The following SDCCAG8 variants were observed in gnomAD, a reference collection of about 807,000 sequenced individuals.
The protein encoded by SDCCAG8 is SHH signaling and ciliogenesis regulator SDCCAG8.
A neutral mutation model predicts 101.8 loss-of-function variants in SDCCAG8; 74 were observed. The ratio of observed to expected loss-of-function variants is 0.73; its 90% CI spans 0.60 to 0.88. The LOEUF is 0.88. Among genes scored for constraint, SDCCAG8 ranks in the 40% least tolerant of loss-of-function variants. The pLI, the probability that SDCCAG8 is intolerant of heterozygous loss-of-function variation, is 0.00. For synonymous variants in SDCCAG8, 281 were observed against 292.9 expected (o/e 0.96, Z 0.41); for missense variants, 787 against 822.6 (o/e 0.96, Z 0.53).
chr1:243,459,752 G>C, intron 16 of SDCCAG8, among the ~76,000 whole-genome samples: 1 of 152,180 alleles, frequency 6.6e-6, no homozygotes, highest in African/African-American at 2.4e-5. Context: ...GACTACAGGC[G>C]TACCAACACC....
At chr1:243,356,507 G>A (rs536777740) in intron 12 of SDCCAG8, among the ~76,000 whole-genome samples, 1 of 152,010 alleles carries the variant, frequency 6.6e-6, no homozygotes, top group South Asian at 2.1e-4. Context: ...AGAAGAATTG[G>A]GCTTTTTTTT....
chr1:243,331,311 C>T (rs1238408135), intron 10 of SDCCAG8, among the ~76,000 whole-genome samples: 3 of 152,204 alleles, frequency 2.0e-5, no homozygotes, highest in Non-Finnish European at 4.4e-5. Context: ...AAATTGCTAA[C>T]TAGACTCGAA....
intron 3 of SDCCAG8, among the ~76,000 whole-genome samples, chr1:243,273,180 A>G (rs2068235748): frequency 6.6e-6 from 1 of 152,242 alleles, no homozygotes; most frequent in African/African-American, 2.4e-5. Flanking sequence ...AAATATACCA[A>G]AAAACCAAAG....
intron 17 of SDCCAG8, among the ~76,000 whole-genome samples, chr1:243,490,130 T>C (rs1666031174): frequency 6.6e-6 from 1 of 152,220 alleles, no homozygotes; most frequent in Non-Finnish European, 1.5e-5. Context: ...AGGAGTCTCA[T>C]TCTCCTCACA....
intron 8 of SDCCAG8, among the ~76,000 whole-genome samples, chr1:243,315,423 A>T (rs1313223350): frequency 6.6e-6 from 1 of 152,208 alleles, no homozygotes; most frequent in Non-Finnish European, 1.5e-5. Context: ...TTTCCTTGGA[A>T]GAAAAATTAT....
chr1:243,285,208 A>G (rs188382056), intron 4 of SDCCAG8, among the ~76,000 whole-genome samples: 29 of 152,312 alleles, frequency 1.9e-4, no homozygotes, highest in Non-Finnish European at 3.8e-4. Context: ...ACTTGCTGAC[A>G]CTGAGCTTCC....
At chr1:243,340,588 G>A (rs1280035348) in intron 10 of SDCCAG8, among the ~76,000 whole-genome samples, 1 of 152,120 alleles carries the variant, frequency 6.6e-6, no homozygotes, top group African/African-American at 2.4e-5. Context: ...GAAGGGTAGT[G>A]GGAGCCATAG....
chr1:243,466,387 C>T (rs1316566225), intron 16 of SDCCAG8, among the ~76,000 whole-genome samples: 1 of 152,144 alleles, frequency 6.6e-6, no homozygotes, highest in Non-Finnish European at 1.5e-5. Context: ...CTACTTAATG[C>T]CTCTGAGATT....
chr1:243,425,061 A>G (rs2081251338), intron 15 of SDCCAG8, among the ~76,000 whole-genome samples: 1 of 152,158 alleles, frequency 6.6e-6, no homozygotes, highest in Non-Finnish European at 1.5e-5. Flanking sequence ...AACGTAAGTC[A>G]TTATTAACTC....
intron 16 of SDCCAG8, among the ~76,000 whole-genome samples, chr1:243,433,017 G>C (rs1049824664): frequency 6.6e-6 from 1 of 152,104 alleles, no homozygotes; most frequent in African/African-American, 2.4e-5. Context: ...GGTGGGTTGG[G>C]ATACCAAGCA....
At chr1:243,430,475 C>T (rs1407711923) in intron 16 of SDCCAG8, among the ~76,000 whole-genome samples, 1 of 152,054 alleles carries the variant, frequency 6.6e-6, no homozygotes, top group Non-Finnish European at 1.5e-5. Context: ...TACGGAGTCT[C>T]TCTCTGTCGC....
chr1:243,293,481 C>T (rs1444580944), intron 6 of SDCCAG8: 1 of 600,156 alleles, frequency 1.7e-6, no homozygotes, highest in East Asian at 3.7e-5. Context: ...CTGATGACCT[C>T]TCTTCAACTT....
intron 1 of SDCCAG8, among the ~76,000 whole-genome samples, chr1:243,265,193 T>C (rs750408303): frequency 2.0e-5 from 3 of 152,248 alleles, no homozygotes; most frequent in Non-Finnish European, 2.9e-5. Flanking sequence ...TGGTTTGTTA[T>C]GTATTTGAAA....
chr1:243,446,287 G>A (rs1018644350), intron 16 of SDCCAG8, among the ~76,000 whole-genome samples: 1 of 152,088 alleles, frequency 6.6e-6, no homozygotes, highest in African/African-American at 2.4e-5. Context: ...TTTTAAGACA[G>A]GGTCTCACTG....
intron 13 of SDCCAG8, among the ~76,000 whole-genome samples, chr1:243,390,455 C>T (rs957192049): frequency 2.0e-5 from 3 of 152,208 alleles, no homozygotes; most frequent in African/African-American, 4.8e-5. Flanking sequence ...TGAGCCTGCT[C>T]TGCTCCACCT....
At chr1:243,268,701 A>G (rs1020412177) in intron 1 of SDCCAG8, among the ~76,000 whole-genome samples, 1 of 152,206 alleles carries the variant, frequency 6.6e-6, no homozygotes, top group African/African-American at 2.4e-5. Context: ...TCTATTAAGT[A>G]CTAACATTGC....
rs946962110 is a variant in SDCCAG8, at chr1:243,458,798, C to T, written c.1986-30216C>T. On this transcript the variant is annotated intron_variant, in intron 16 of 17. Coordinates refer to ENST00000366541, the MANE Select transcript of SDCCAG8 (RefSeq NM_006642.5). The surrounding 1 kb of genome is among the most constrained non-coding windows in gnomAD (Gnocchi z 4.5). ...GTCAGATATGGCATTGTTTTATATT[C>T]CCATTGTCAGTGATCTCTAAACGGC... 2.0e-5 allele frequency among the ~76,000 whole-genome samples: 3 copies of T among 152,218 alleles called. No homozygotes were observed. The highest frequency in any genetic ancestry group is 7.2e-5 in the African/African-American group (3 of 41,452).
At chr1:243,368,241 G>T (rs554906003) in intron 12 of SDCCAG8, among the ~76,000 whole-genome samples, 15 of 150,964 alleles carry the variant, frequency 9.9e-5, no homozygotes, top group Non-Finnish European at 1.5e-4. Context: ...GAAGAGAAAA[G>T]AAAAGAAGGG....
intron 13 of SDCCAG8, among the ~76,000 whole-genome samples, chr1:243,408,491 GA>G (rs1229593243): frequency 6.6e-6 from 1 of 152,186 alleles, no homozygotes; most frequent in Non-Finnish European, 1.5e-5. Flanking sequence ...GGACAACAGG[GA>G]AAGAAGAAGG....
Sources: gnomAD v4.1 joint callset for allele counts (sites outside exome capture counted in the v4.1 genomes callset) on GRCh38, gnomAD v4.1.1 for gene constraint, Gnocchi (gnomAD v3.1) non-coding constraint, MANE v1.5 for transcripts, NCBI Gene and HGNC (gene_info 2026-07-23, HGNC 2026-07-21) for gene names.